SLCO1B1: variants seen among roughly 807,000 people sequenced by gnomAD.
SLCO1B1 encodes solute carrier organic anion transporter family member 1B1.
SLCO1B1 carries 81 observed loss-of-function variants against 70.1 expected under a neutral mutation model. The observed-to-expected ratio is 1.16, with a 90% CI of 0.97 to 1.39. The LOEUF (loss-of-function observed/expected upper bound fraction) is 1.39. Among genes scored for constraint, SLCO1B1 ranks in the 40% most tolerant of loss-of-function variants. The pLI is 0.00. For synonymous variants in SLCO1B1, 283 were observed against 271.5 expected (o/e 1.04, Z -0.42); for missense variants, 895 against 799.6 (o/e 1.12, Z -1.44).
At chr12:21,229,019 A>T (rs1941506888) in intron 14 of SLCO1B1, among the ~76,000 whole-genome samples, 1 of 152,032 alleles carries the variant, frequency 6.6e-6, no homozygotes, top group Non-Finnish European at 1.5e-5. Context: ...AAAAAAGAGC[A>T]GTGCATTTAC....
chr12:21,156,052 G>A (rs112653003), intron 2 of SLCO1B1, among the ~76,000 whole-genome samples: 6 of 152,156 alleles, frequency 3.9e-5, no homozygotes, highest in African/African-American at 1.2e-4. Context: ...TAATAAAATA[G>A]CCATGTATTT....
intron 14 of SLCO1B1, among the ~76,000 whole-genome samples, chr12:21,225,200 GAC>G (rs1415956322): frequency 6.6e-6 from 1 of 151,836 alleles, no homozygotes. Flanking sequence ...TGTAAATATA[GAC>G]ACAGACATAT....
Position 21,217,310 on chromosome 12 carries a change from A to G in SLCO1B1, c.1682+7A>G. 1 of 1,612,082 alleles carries G rather than the reference A, an allele frequency of 6.2e-7. No individual in the cohort carries two copies. On this transcript the variant is annotated splice_region_variant and intron_variant, in intron 12 of 14. Transcript: ENST00000256958. ...ATGTCATGCTGATTGTTAAGTAAGT[A>G]TGACTTTTAAAAACATTTTCATATG...
chr12:21,238,851 T>C, intron 14 of SLCO1B1, 128 bp from the exon 15 acceptor site: 1 of 517,828 alleles, frequency 1.9e-6, no homozygotes, highest in Non-Finnish European at 3.4e-6. Flanking sequence ...AAAAGAATTA[T>C]TAGAATTATT....
intron 11 of SLCO1B1, among the ~76,000 whole-genome samples, chr12:21,208,335 T>C (rs1241593066): frequency 6.6e-6 from 1 of 152,098 alleles, no homozygotes; most frequent in Non-Finnish European, 1.5e-5. Flanking sequence ...TCCAGTTTCA[T>C]TTCTCTGCAT....
intron 12 of SLCO1B1, among the ~76,000 whole-genome samples, chr12:21,218,612 T>C (rs1591825371): frequency 9.8e-6 from 1 of 101,628 alleles, no homozygotes; most frequent in Admixed American, 9.7e-5. Context: ...ATATAAAATG[T>C]TGTCTACTCA....
chr12:21,195,618 A>G (rs1941082411), intron 7 of SLCO1B1, among the ~76,000 whole-genome samples: 1 of 152,142 alleles, frequency 6.6e-6, no homozygotes, highest in Non-Finnish European at 1.5e-5. Flanking sequence ...TTGGACACAG[A>G]AAAGATGAAA....
intron 3 of SLCO1B1, among the ~76,000 whole-genome samples, chr12:21,173,937 T>C (rs1940787492): frequency 6.6e-6 from 1 of 152,092 alleles, no homozygotes. Context: ...TTTTGTATTT[T>C]TAGTAGAGAC....
intron 11 of SLCO1B1, among the ~76,000 whole-genome samples, chr12:21,208,619 T>C (rs1261463552): frequency 1.3e-5 from 2 of 152,120 alleles, no homozygotes; most frequent in Non-Finnish European, 2.9e-5. Flanking sequence ...AGTCTCTTTT[T>C]TCCTATGGAA....
At chr12:21,169,026 G>T (rs930524640) in intron 2 of SLCO1B1, among the ~76,000 whole-genome samples, 1 of 151,904 alleles carries the variant, frequency 6.6e-6, no homozygotes, top group Non-Finnish European at 1.5e-5. Context: ...AGTTCATTTT[G>T]AGTTAATTTT....
At chr12:21,142,243 T>A (rs940588285) in intron 2 of SLCO1B1, among the ~76,000 whole-genome samples, 1 of 151,980 alleles carries the variant, frequency 6.6e-6, no homozygotes, top group Non-Finnish European at 1.5e-5. Flanking sequence ...TGCTTTTTGC[T>A]TTTGGCACAA....
At chr12:21,215,357 T>C (rs1014613785) in intron 11 of SLCO1B1, among the ~76,000 whole-genome samples, 12 of 152,232 alleles carry the variant, frequency 7.9e-5, no homozygotes, top group African/African-American at 2.7e-4. Flanking sequence ...GTTCCTTCAA[T>C]GCCCAGTTTG....
intron 14 of SLCO1B1, among the ~76,000 whole-genome samples, chr12:21,232,529 A>G (rs1197110688): frequency 1.3e-5 from 2 of 151,906 alleles, no homozygotes; most frequent in African/African-American, 4.8e-5. Flanking sequence ...AAGTAGGCTT[A>G]TAGGAATCCT....
At chr12:21,138,323 C>T (rs764056268) in intron 1 of SLCO1B1, among the ~76,000 whole-genome samples, 61 of 152,062 alleles carry the variant, frequency 4.0e-4, no homozygotes, top group Admixed American at 8.5e-4. Flanking sequence ...TGACCTCTTC[C>T]GGGAAGAATT....
intron 14 of SLCO1B1, among the ~76,000 whole-genome samples, chr12:21,232,715 AAGACAGAG>A (rs201999189): frequency 2.5e-4 from 37 of 150,214 alleles, no homozygotes; most frequent in South Asian, 6.4e-4. Context: ...GAGAGACAGA[AAGACAGAG>A]AGACAGAGAG....
Position 21,198,484 on chromosome 12 carries a change from G to A in SLCO1B1, c.970+1296G>A, listed in dbSNP as rs377352344. 5.3e-5 allele frequency among the ~76,000 whole-genome samples: 8 copies of A among 152,066 alleles called. No individual in the cohort carries two copies. The East Asian group carries it at 5.8e-4, about 11-fold the overall frequency. ...TAGATTGTCTAAACCTATAAGGAGCGGGGTTGACTGTGATCCAAACAGAAC... is the reference window on the plus strand; with the variant it reads ...TAGATTGTCTAAACCTATAAGGAGCAGGGTTGACTGTGATCCAAACAGAAC... On this transcript the variant is annotated intron_variant, in intron 8 of 14. Coordinates refer to ENST00000256958, the MANE Select transcript of SLCO1B1 (RefSeq NM_006446.5).
At chr12:21,210,755 C>A (rs1941272969) in intron 11 of SLCO1B1, among the ~76,000 whole-genome samples, 1 of 148,778 alleles carries the variant, frequency 6.7e-6, no homozygotes, top group African/African-American at 2.5e-5. Context: ...GTTTGTAGTT[C>A]TCCTTGAAGA....
chr12:21,210,890 T>C (rs2121165859), intron 11 of SLCO1B1, among the ~76,000 whole-genome samples: 2 of 152,170 alleles, frequency 1.3e-5, no homozygotes, highest in East Asian at 3.9e-4. Flanking sequence ...GGAATGCTTG[T>C]GATTTTTGTA....
chr12:21,195,727 A>T (rs149002645), intron 7 of SLCO1B1, among the ~76,000 whole-genome samples: 1 of 152,104 alleles, frequency 6.6e-6, no homozygotes, highest in Non-Finnish European at 1.5e-5. Context: ...GCCCTAAGCT[A>T]TGGGCCAGGA....
Sources: allele counts gnomAD v4.1 joint callset (sites outside exome capture counted in the v4.1 genomes callset), GRCh38; gene constraint gnomAD v4.1.1; transcripts MANE v1.5; gene names NCBI Gene and HGNC (gene_info 2026-07-23, HGNC 2026-07-21).